The following TPH2 variants were observed in gnomAD, a reference collection of about 807,000 sequenced individuals.
TPH2 encodes the protein tryptophan 5-hydroxylase 2.
A neutral mutation model predicts 59.1 loss-of-function variants in TPH2; 27 were observed. That is an observed-to-expected ratio of 0.46 (90% CI 0.34 to 0.63). The LOEUF is 0.63. Ranked by LOEUF, TPH2 falls within the 30% of genes least tolerant of loss-of-function variation. TPH2 has a pLI of 0.01. For synonymous variants in TPH2, 220 were observed against 210.5 expected (o/e 1.05, Z -0.39); for missense variants, 523 against 588.3 (o/e 0.89, Z 1.15).
Position 72,031,769 on chromosome 12 carries a change from A to C in TPH2, c.*74A>C. 6.4e-7 allele frequency: 1 copy of C among 1,561,822 alleles called. No individual in the cohort carries two copies. Among genetic ancestry groups the C allele is most frequent in the South Asian group, 1.1e-5 (1 of 89,570 alleles). On this transcript the variant is annotated 3_prime_UTR_variant, in exon 11 of 11. Transcript: ENST00000333850. ...CAGTTCAGTCAATGTCATATAACGC[A>C]AATAACCTTCTGTGTCATGGCTTGG... is the stretch of plus-strand genomic sequence containing the variant.
chr12:72,008,420 A>T (rs1224209201), intron 8 of TPH2, among the ~76,000 whole-genome samples: 1 of 152,268 alleles, frequency 6.6e-6, no homozygotes, highest in Admixed American at 6.5e-5. Context: ...CACACAGATA[A>T]TGCTGTTCCT....
intron 8 of TPH2, among the ~76,000 whole-genome samples, chr12:72,000,380 A>G (rs940086392): frequency 3.3e-5 from 5 of 152,218 alleles, no homozygotes; most frequent in African/African-American, 1.2e-4. Flanking sequence ...GAAGTCAGAC[A>G]AAGATTATAT....
At chr12:72,013,199 T>C (rs1034317151) in intron 8 of TPH2, among the ~76,000 whole-genome samples, 2 of 152,234 alleles carry the variant, frequency 1.3e-5, no homozygotes, top group Non-Finnish European at 1.5e-5. Flanking sequence ...ACATTTTAAT[T>C]CATTCGATGG....
At chr12:71,957,037 G>A (rs2139191113) in intron 5 of TPH2, among the ~76,000 whole-genome samples, 1 of 152,314 alleles carries the variant, frequency 6.6e-6, no homozygotes, top group African/African-American at 2.4e-5. Flanking sequence ...AGAATGTATA[G>A]GATTTGGAGC....
intron 8 of TPH2, 46 bp downstream of exon 8, chr12:71,994,611 G>T: frequency 1.2e-6 from 2 of 1,609,522 alleles, no homozygotes; most frequent in Middle Eastern, 1.7e-4. Flanking sequence ...ATGTCCATTT[G>T]TAAGGTAAAG....
intron 9 of TPH2, among the ~76,000 whole-genome samples, chr12:72,023,412 G>A (rs574864010): frequency 6.6e-6 from 1 of 151,948 alleles, no homozygotes; most frequent in South Asian, 2.1e-4. Flanking sequence ...GTTTTATTGA[G>A]TCTGGTCATT....
chr12:71,965,470 A>G (rs977785535), intron 5 of TPH2: 6 of 152,226 alleles, frequency 3.9e-5, no homozygotes, highest in African/African-American at 1.4e-4. Flanking sequence ...CTTTTAAATA[A>G]TAAACATTCT....
intron 8 of TPH2, among the ~76,000 whole-genome samples, chr12:72,015,342 T>C (rs1314627779): frequency 7.5e-6 from 1 of 133,502 alleles, no homozygotes; most frequent in Non-Finnish European, 1.6e-5. Context: ...TTTTTTGAGA[T>C]GGAGTCTCAC....
rs563659795 is a variant in TPH2 at position 72,031,192 on chromosome 12, T to C, written c.1165-66T>C. ...CGAGCTATCAAATGTGTTGTAAAAA[T>C]GTGATGTCATGGAGCTTCGGAAGTC... is the stretch of plus-strand genomic sequence containing the variant. On this transcript the variant is annotated intron_variant, in intron 9 of 10. Transcript: ENST00000333850. 21 of 1,603,652 alleles carry C rather than the reference T, an allele frequency of 1.3e-5. No homozygotes were observed. The South Asian group carries it at 1.3e-4, about 10-fold the overall frequency.
intron 2 of TPH2, 105 bp downstream of exon 2, chr12:71,941,838 G>A: frequency 1.5e-6 from 2 of 1,309,224 alleles, no homozygotes; most frequent in Non-Finnish European, 2.2e-6. Flanking sequence ...GGATAATGTG[G>A]TGAAAGATTC....
At position 71,951,895 on chromosome 12, in the gene TPH2, C is replaced by T. The variant is rs140985305; in HGVS notation, c.608+2240C>T. On this transcript the variant is annotated intron_variant, in intron 5 of 10. Coordinates refer to ENST00000333850, the MANE Select transcript of TPH2 (RefSeq NM_173353.4). ...ACAAAATTAACCAGGCATGGTGGTG[C>T]ATGCCTGTAATCCCAGCTACTTGGG... Among the ~76,000 whole-genome samples, 492 of 152,230 alleles carry T rather than the reference C, an allele frequency of 3.2e-3. 1 individual carries two copies. Among genetic ancestry groups the T allele is most frequent in the Non-Finnish European group, 5.7e-3 (388 of 67,986 alleles).
At chr12:71,958,728 A>T (rs896765502) in intron 5 of TPH2, among the ~76,000 whole-genome samples, 2 of 152,214 alleles carry the variant, frequency 1.3e-5, no homozygotes, top group African/African-American at 4.8e-5. Context: ...AGCTGGGCTG[A>T]GGCTTGAAAA....
At chr12:71,999,765 A>G (rs1872776938) in intron 8 of TPH2, among the ~76,000 whole-genome samples, 1 of 152,230 alleles carries the variant, frequency 6.6e-6, no homozygotes, top group Admixed American at 6.5e-5. Flanking sequence ...CTTTGGCTGC[A>G]AGTGATGTCT....
chr12:71,988,671 A>AT (rs1872507849), intron 7 of TPH2, among the ~76,000 whole-genome samples: 1 of 152,172 alleles, frequency 6.6e-6, no homozygotes, highest in Non-Finnish European at 1.5e-5. Context: ...TGGGGTTTAC[A>AT]TTTTAACGTG....
At chr12:71,956,087 G>A (rs951232087) in intron 5 of TPH2, among the ~76,000 whole-genome samples, 1 of 152,198 alleles carries the variant, frequency 6.6e-6, no homozygotes, top group Non-Finnish European at 1.5e-5. Flanking sequence ...GTTACTCATA[G>A]GGCTGTTTGC....
chr12:71,958,205 G>A (rs1013542785), intron 5 of TPH2, among the ~76,000 whole-genome samples: 2 of 152,174 alleles, frequency 1.3e-5, no homozygotes, highest in Non-Finnish European at 2.9e-5. Flanking sequence ...CAGAACTGAA[G>A]CAAATATTTA....
chr12:72,004,804 C>G (rs966661834), intron 8 of TPH2, among the ~76,000 whole-genome samples: 3 of 152,054 alleles, frequency 2.0e-5, no homozygotes, highest in Admixed American at 1.3e-4. Flanking sequence ...TTTAATTACC[C>G]CATTCCACAA....
At chr12:72,031,493 T>A in intron 10 of TPH2, 28 bp from the exon 11 acceptor site, 1 of 1,613,274 alleles carries the variant, frequency 6.2e-7, no homozygotes, top group Non-Finnish European at 8.5e-7. Context: ...GTTGATCACA[T>A]CTCTTTCTAC....
At chr12:71,971,200 A>C (rs1383771940) in intron 5 of TPH2, among the ~76,000 whole-genome samples, 2 of 152,214 alleles carry the variant, frequency 1.3e-5, no homozygotes, top group Non-Finnish European at 2.9e-5. Context: ...GTTGCTGTCT[A>C]TGCATGGGTT....
Sources: gnomAD v4.1 joint callset for allele counts (sites outside exome capture counted in the v4.1 genomes callset) on GRCh38, gnomAD v4.1.1 for gene constraint, MANE v1.5 for transcripts, NCBI Gene and HGNC (gene_info 2026-07-23, HGNC 2026-07-21) for gene names.